Variants in HMGCLL1 observed in about 807,000 individuals in gnomAD.
HMGCLL1 encodes 3-hydroxy-3-methylglutaryl-CoA lyase like 1.
HMGCLL1 carries 36 observed loss-of-function variants against 39.1 expected under a neutral mutation model. The observed-to-expected ratio is 0.92, with a 90% CI of 0.71 to 1.22. The LOEUF (loss-of-function observed/expected upper bound fraction) is 1.22. HMGCLL1 is among the 50% of genes most tolerant of loss of function. The pLI is 0.00. For missense variants in HMGCLL1, 451 were observed against 416.5 expected (o/e 1.08, Z -0.72); for synonymous variants, 149 against 144.0 (o/e 1.03, Z -0.25).
At chr6:55,469,343 C>A (rs1441833806) in intron 7 of HMGCLL1, among the ~76,000 whole-genome samples, 1 of 149,044 alleles carries the variant, frequency 6.7e-6, no homozygotes, top group Admixed American at 6.7e-5. Context: ...TCCTAAAGGT[C>A]ACTTACTGAT....
At chr6:55,644,706 G>A in the HMGCLL1 span, among the ~76,000 whole-genome samples, 1 of 151,988 alleles carries the variant, frequency 6.6e-6, no homozygotes, top group Non-Finnish European at 1.5e-5. Context: ...TGAGTTCACT[G>A]TAGCTTTGTG....
the HMGCLL1 span, among the ~76,000 whole-genome samples, chr6:55,636,821 G>A: frequency 6.6e-6 from 1 of 152,104 alleles, no homozygotes; most frequent in Admixed American, 6.6e-5. Flanking sequence ...AACAAGCTCT[G>A]TGAAAAAGGT....
chr6:55,452,628 C>G (rs536122164), intron 7 of HMGCLL1, among the ~76,000 whole-genome samples: 6 of 152,204 alleles, frequency 3.9e-5, no homozygotes, highest in African/African-American at 1.4e-4. Context: ...TATAATGTTA[C>G]ATGTTTGGCA....
intron 1 of HMGCLL1, among the ~76,000 whole-genome samples, chr6:55,571,436 T>C (rs1049953530): frequency 6.6e-6 from 1 of 152,130 alleles, no homozygotes; most frequent in African/African-American, 2.4e-5. Context: ...TGAAAAGGCA[T>C]AAACAGCCTT....
At chr6:55,515,704 G>A (rs1408468349) in intron 4 of HMGCLL1, among the ~76,000 whole-genome samples, 1 of 151,962 alleles carries the variant, frequency 6.6e-6, no homozygotes, top group Non-Finnish European at 1.5e-5. Flanking sequence ...ATTACTAGAT[G>A]ACACCAATAT....
At chr6:55,631,485 C>T in the HMGCLL1 span, among the ~76,000 whole-genome samples, 3 of 152,100 alleles carry the variant, frequency 2.0e-5, no homozygotes, top group Admixed American at 6.6e-5. Flanking sequence ...TGTCTGCCAG[C>T]GTCAGGACGC....
chr6:55,630,079 C>T, the HMGCLL1 span, among the ~76,000 whole-genome samples: 1 of 152,152 alleles, frequency 6.6e-6, no homozygotes, highest in Non-Finnish European at 1.5e-5. Flanking sequence ...CCACAGACAA[C>T]TTGCACCATG....
At chr6:55,468,267 G>C (rs931820626) in intron 7 of HMGCLL1, among the ~76,000 whole-genome samples, 2 of 151,890 alleles carry the variant, frequency 1.3e-5, no homozygotes, top group African/African-American at 4.8e-5. Context: ...AAAATGAATG[G>C]CCTGATAGCA....
At chr6:55,553,248 C>CGTGTGTGTGT (rs70986735) in intron 1 of HMGCLL1, among the ~76,000 whole-genome samples, 20,927 of 143,280 alleles carry the variant, frequency 0.15, 1,503 homozygotes, top group East Asian at 0.22. Context: ...TACATATATA[C>CGTGTGTGTGT]GTGTGTGTGT....
In HMGCLL1 at chr6:55,542,115, G is replaced by A. The variant is rs758246894; in HGVS notation, c.134C>T (p.Pro45Leu). The A allele has an allele frequency of 6.2e-7, 1 of 1,610,174 alleles. No individual in the cohort carries two copies. Among genetic ancestry groups the A allele is most frequent in the Non-Finnish European group, 8.5e-7 (1 of 1,177,452 alleles). ...AQETSQLSGL[P>L]EFVKIVEVGP... ...AACTTCTACTATTTTAACAAACTCAGGGAGTCCAGATAACTGGGATGTTTC... is the reference window on the plus strand; with the variant it reads ...AACTTCTACTATTTTAACAAACTCAAGGAGTCCAGATAACTGGGATGTTTC... The change falls in exon 2 of 9, where the codon CCT (proline) becomes CTT (leucine). Residue 45 changes from proline (P) to leucine (L), a missense_variant. Transcript: ENST00000274901.
At chr6:55,569,207 T>C (rs925565693) in intron 1 of HMGCLL1, among the ~76,000 whole-genome samples, 2 of 152,022 alleles carry the variant, frequency 1.3e-5, no homozygotes, top group African/African-American at 2.4e-5. Flanking sequence ...TCAAAAAGGA[T>C]AGAAGGGAAG....
the HMGCLL1 span, among the ~76,000 whole-genome samples, chr6:55,634,517 C>T: frequency 1.3e-5 from 2 of 152,206 alleles, no homozygotes; most frequent in African/African-American, 4.8e-5. Flanking sequence ...AACCTGGTAA[C>T]CAGAAGTGAT....
At chr6:55,667,319 A>G in the HMGCLL1 span, among the ~76,000 whole-genome samples, 1 of 151,820 alleles carries the variant, frequency 6.6e-6, no homozygotes, top group African/African-American at 2.4e-5. Flanking sequence ...GACATATTAA[A>G]AATTAATAAT....
intron 7 of HMGCLL1, among the ~76,000 whole-genome samples, chr6:55,450,918 G>A (rs1764052446): frequency 6.6e-6 from 1 of 152,188 alleles, no homozygotes; most frequent in Non-Finnish European, 1.5e-5. Flanking sequence ...CAAGGGCCCT[G>A]AAGCTTTTGT....
At chr6:55,547,228 T>G (rs1472203106) in intron 1 of HMGCLL1, among the ~76,000 whole-genome samples, 2 of 152,068 alleles carry the variant, frequency 1.3e-5, no homozygotes, top group Non-Finnish European at 2.9e-5. Flanking sequence ...GTAATGTGCT[T>G]CACTCACATT....
chr6:55,530,717 C>T (rs902954335), intron 3 of HMGCLL1, among the ~76,000 whole-genome samples: 14 of 152,082 alleles, frequency 9.2e-5, no homozygotes, highest in African/African-American at 3.1e-4. Context: ...TACAATATTA[C>T]TTTCGGCATT....
chr6:55,640,164 T>G, the HMGCLL1 span, among the ~76,000 whole-genome samples: 5 of 151,682 alleles, frequency 3.3e-5, no homozygotes, highest in Non-Finnish European at 7.4e-5. Context: ...AGGTGGGAGA[T>G]AAGAGGAGGA....
chr6:55,674,244 G>A, the HMGCLL1 span, among the ~76,000 whole-genome samples: 1 of 151,908 alleles, frequency 6.6e-6, no homozygotes, highest in East Asian at 1.9e-4. Flanking sequence ...GGAAAAGTAA[G>A]TTAGTTTTAT....
At chr6:55,580,046 C>T (rs559746297), upstream of HMGCLL1, among the ~76,000 whole-genome samples, 1 of 152,218 alleles carries the variant, frequency 6.6e-6, no homozygotes, top group South Asian at 2.1e-4. Context: ...TAGGGTCTTC[C>T]GGAGACCCAG....
Sources: allele counts gnomAD v4.1 joint callset (sites outside exome capture counted in the v4.1 genomes callset), GRCh38; gene constraint gnomAD v4.1.1; transcripts MANE v1.5; gene names NCBI Gene and HGNC (gene_info 2026-07-23, HGNC 2026-07-21).